LRP1B: variants seen among roughly 807,000 people sequenced by gnomAD.
LRP1B encodes the protein LDL receptor related protein 1B.
Under a neutral mutation model 556.6 loss-of-function variants are expected in LRP1B, and 217 were observed. The ratio of observed to expected loss-of-function variants is 0.39; its 90% confidence interval spans 0.35 to 0.44. LRP1B has a LOEUF of 0.44. Ranked by LOEUF, LRP1B falls within the 20% of genes least tolerant of loss-of-function variation. The probability of loss-of-function intolerance (pLI) is 1.00; values close to 1 mark genes in which losing one functional copy is unlikely to be tolerated. For missense variants in LRP1B, 5,053 were observed against 5,620.8 expected (o/e 0.90, Z 3.23); for synonymous variants, 2,047 against 1,865.8 (o/e 1.10, Z -2.50).
At chr2:141,822,766 C>G (rs546137424) in intron 1 of LRP1B, among the ~76,000 whole-genome samples, 1 of 152,190 alleles carries the variant, frequency 6.6e-6, no homozygotes, top group East Asian at 1.9e-4. Flanking sequence ...TTATTTAATA[C>G]TCATTTACTG....
At chr2:141,069,729 G>C (rs1382300720) in intron 7 of LRP1B, among the ~76,000 whole-genome samples, 2 of 151,984 alleles carry the variant, frequency 1.3e-5, no homozygotes, top group Non-Finnish European at 2.9e-5. Flanking sequence ...TCATTCTTAG[G>C]CTGTAATTGA....
chr2:142,094,107 A>G (rs775780813), intron 1 of LRP1B, among the ~76,000 whole-genome samples: 12 of 152,048 alleles, frequency 7.9e-5, no homozygotes, highest in Non-Finnish European at 1.8e-4. Flanking sequence ...TGTCCCTTTT[A>G]TAAGGGCACT....
At chr2:140,889,388 C>T (rs886070219) in intron 23 of LRP1B, among the ~76,000 whole-genome samples, 2 of 152,162 alleles carry the variant, frequency 1.3e-5, no homozygotes, top group Admixed American at 6.6e-5. Flanking sequence ...CTCTGCCTCC[C>T]AGCCTTAAGA....
intron 43 of LRP1B, among the ~76,000 whole-genome samples, chr2:140,558,022 T>C (rs972088853): frequency 6.6e-6 from 1 of 152,076 alleles, no homozygotes; most frequent in Non-Finnish European, 1.5e-5. Context: ...AACAAAAGAA[T>C]AAAGTGGTTA....
intron 1 of LRP1B, among the ~76,000 whole-genome samples, chr2:142,041,271 T>C (rs79981595): frequency 0.015 from 2,254 of 151,474 alleles, 24 homozygotes; most frequent in Non-Finnish European, 0.021. Flanking sequence ...ATTATCATTA[T>C]ACAAAAGCTT....
chr2:142,003,329 G>A lies in LRP1B; in HGVS notation c.82+127319C>T, dbSNP rs1231468124. Among the ~76,000 whole-genome samples, 3 of 152,206 alleles carry A rather than the reference G, an allele frequency of 2.0e-5. No homozygotes were observed. In the East Asian group the frequency reaches 5.8e-4, roughly 29 times the overall value. On this transcript the variant is annotated intron_variant, in intron 1 of 90. Transcript: ENST00000389484. ...GAGACAAGAGTCTGGCTGGGCCAAT[G>A]GGTAATTTTGTGCAAATTAGAAAAA...
chr2:140,627,995 C>T (rs541344833), intron 41 of LRP1B, among the ~76,000 whole-genome samples: 2 of 152,278 alleles, frequency 1.3e-5, no homozygotes, highest in Admixed American at 6.5e-5. Context: ...CTAATCTGAA[C>T]AGTTGTTAAG....
intron 2 of LRP1B, among the ~76,000 whole-genome samples, chr2:141,499,624 C>T (rs1683640464): frequency 6.6e-6 from 1 of 151,846 alleles, no homozygotes; most frequent in Non-Finnish European, 1.5e-5. Flanking sequence ...TAAATGAAGA[C>T]TCAGATGTCA....
chr2:140,276,847 C>G, intron 84 of LRP1B, among the ~76,000 whole-genome samples: 1 of 151,806 alleles, frequency 6.6e-6, no homozygotes, highest in Non-Finnish European at 1.5e-5. Flanking sequence ...ATTCCAGTGC[C>G]GTTCCCTGCC....
chr2:141,090,379 A>G (rs1301343662), intron 7 of LRP1B, among the ~76,000 whole-genome samples: 1 of 152,244 alleles, frequency 6.6e-6, no homozygotes, highest in Non-Finnish European at 1.5e-5. Flanking sequence ...TGTAAGCAGA[A>G]TAAGTTTTGT....
intron 66 of LRP1B, among the ~76,000 whole-genome samples, chr2:140,438,738 T>C (rs1686298328): frequency 6.6e-6 from 1 of 152,134 alleles, no homozygotes; most frequent in South Asian, 2.1e-4. Context: ...TAAACTGAGA[T>C]TGTACAAAAG....
At chr2:141,421,032 T>A (rs1285442521) in intron 3 of LRP1B, among the ~76,000 whole-genome samples, 1 of 152,234 alleles carries the variant, frequency 6.6e-6, no homozygotes, top group Non-Finnish European at 1.5e-5. Context: ...TCAACGTAGC[T>A]GTTCTTGGCT....
chr2:141,721,351 T>A (rs1052882424), intron 2 of LRP1B, among the ~76,000 whole-genome samples: 1 of 152,300 alleles, frequency 6.6e-6, no homozygotes, highest in Admixed American at 6.5e-5. Context: ...TATTTCTAGA[T>A]AAACTGTTGT....
At chr2:141,438,692 AC>A (rs1680855119) in intron 3 of LRP1B, among the ~76,000 whole-genome samples, 1 of 152,166 alleles carries the variant, frequency 6.6e-6, no homozygotes, top group South Asian at 2.1e-4. Flanking sequence ...TGGGATGAGA[AC>A]CAAAAGAAAC....
At chr2:141,684,263 C>T (rs1024431685) in intron 2 of LRP1B, among the ~76,000 whole-genome samples, 1 of 152,062 alleles carries the variant, frequency 6.6e-6, no homozygotes, top group Non-Finnish European at 1.5e-5. Context: ...CCGTGGAATA[C>T]TATGCAGCCA....
intron 32 of LRP1B, among the ~76,000 whole-genome samples, chr2:140,789,618 CTTTTTTTTTT>C (rs756120273): frequency 2.4e-4 from 17 of 71,768 alleles, no homozygotes; most frequent in African/African-American, 6.7e-4. Context: ...GCTTTAAGGA[CTTTTTTTTTT>C]TTTTTTTTTT....
chr2:140,629,225 T>G (rs974763988), intron 41 of LRP1B, among the ~76,000 whole-genome samples: 1 of 142,390 alleles, frequency 7.0e-6, no homozygotes. Flanking sequence ...AGCTAATTCT[T>G]TTTTTTTTTT....
At chr2:142,005,772 C>T (rs934218583) in intron 1 of LRP1B, among the ~76,000 whole-genome samples, 1 of 151,536 alleles carries the variant, frequency 6.6e-6, no homozygotes, top group African/African-American at 2.4e-5. Context: ...AGTTATTCAC[C>T]TTTCTCAGGC....
chr2:141,648,770 G>C (rs1310578560), intron 2 of LRP1B, among the ~76,000 whole-genome samples: 1 of 152,188 alleles, frequency 6.6e-6, no homozygotes, highest in Non-Finnish European at 1.5e-5. Context: ...GAGCTGAATG[G>C]AGGAGAAACT....
Sources: allele counts gnomAD v4.1 joint callset (sites outside exome capture counted in the v4.1 genomes callset), GRCh38; gene constraint gnomAD v4.1.1; transcripts MANE v1.5; gene names NCBI Gene and HGNC (gene_info 2026-07-23, HGNC 2026-07-21).